Variants in PRKCH observed in about 807,000 individuals in gnomAD.
PRKCH encodes protein kinase C eta, also known as protein kinase C eta type.
Under a neutral mutation model 82.5 loss-of-function variants are expected in PRKCH, and 28 were observed. That is an observed-to-expected ratio of 0.34 (90% CI 0.25 to 0.47). The LOEUF is 0.47. Among genes scored for constraint, PRKCH ranks in the 20% least tolerant of loss-of-function variants. PRKCH has a pLI of 1.00. For synonymous variants in PRKCH, 322 were observed against 327.4 expected (o/e 0.98, Z 0.18); for missense variants, 705 against 881.8 (o/e 0.80, Z 2.54).
chr14:61,414,111 GC>G (rs1882429755), intron 2 of PRKCH, among the ~76,000 whole-genome samples: 1 of 151,848 alleles, frequency 6.6e-6, no homozygotes, highest in Admixed American at 6.6e-5. Context: ...TCAGCCCGCC[GC>G]TGTCCCCATT....
At chr14:61,286,918 A>T (rs2045320829) in intron 1 of PRKCH, among the ~76,000 whole-genome samples, 2 of 151,538 alleles carry the variant, frequency 1.3e-5, no homozygotes, top group African/African-American at 4.9e-5. Context: ...AGATTAAAAG[A>T]CAGTTGGCAG....
At position 61,280,790 on chromosome 14, in the gene PRKCH, T is replaced by G; in HGVS notation, c.-19+93122T>G. The G allele has an allele frequency of 6.4e-7, 1 of 1,558,242 alleles. No individual in the cohort carries two copies. Among genetic ancestry groups the G allele is most frequent in the South Asian group, 1.2e-5 (1 of 83,292 alleles). On this transcript the variant is annotated intron_variant, in intron 1 of 3. Coordinates refer to the PRKCH transcript ENST00000555185. The surrounding 1 kb of genome is among the most constrained non-coding windows in gnomAD (Gnocchi z 5.0). ...CGGGACACGCCGTAGCGCCGGTTGT[T>G]CTGGTAGAAGTTGGTCAGCTCGTAG...
At chr14:61,399,422 G>A (rs779522395) in intron 2 of PRKCH, among the ~76,000 whole-genome samples, 56 of 152,172 alleles carry the variant, frequency 3.7e-4, no homozygotes, top group Non-Finnish European at 6.8e-4. Context: ...TTTTATCCAT[G>A]ATTCTCAGTT....
intron 2 of PRKCH, among the ~76,000 whole-genome samples, chr14:61,434,565 C>T (rs1259403477): frequency 6.6e-6 from 1 of 152,154 alleles, no homozygotes; most frequent in Non-Finnish European, 1.5e-5. Flanking sequence ...AATAGGAATT[C>T]TGAACATTTT....
At chr14:61,543,224 G>A (rs143849158) in intron 12 of PRKCH, 9 of 152,264 alleles carry the variant, frequency 5.9e-5, no homozygotes, top group African/African-American at 1.7e-4. Flanking sequence ...TAGAACTAGC[G>A]TCAGGAGGGA....
At chr14:61,424,577 A>G (rs1269742083) in intron 2 of PRKCH, among the ~76,000 whole-genome samples, 1 of 152,182 alleles carries the variant, frequency 6.6e-6, no homozygotes, top group Admixed American at 6.5e-5. Context: ...ATGATCTGAA[A>G]TTGGAACTTA....
chr14:61,437,751 A>G (rs1034932111), intron 2 of PRKCH, among the ~76,000 whole-genome samples: 1 of 152,106 alleles, frequency 6.6e-6, no homozygotes, highest in African/African-American at 2.4e-5. Flanking sequence ...TCTAGGCCCC[A>G]ATTTCCTAGG....
At chr14:61,363,085 T>C (rs946330384) in intron 1 of PRKCH, among the ~76,000 whole-genome samples, 2 of 152,184 alleles carry the variant, frequency 1.3e-5, no homozygotes, top group Non-Finnish European at 2.9e-5. Context: ...TGAGTGTCAG[T>C]GCATTAAACA....
intron 1 of PRKCH, among the ~76,000 whole-genome samples, chr14:61,379,729 A>C (rs2046473357): frequency 6.6e-6 from 1 of 152,166 alleles, no homozygotes; most frequent in Non-Finnish European, 1.5e-5. Context: ...TGTGAAAGAA[A>C]GAAGGGGGCT....
chr14:61,381,950 G>A (rs1356947066), intron 1 of PRKCH, among the ~76,000 whole-genome samples: 1 of 152,222 alleles, frequency 6.6e-6, no homozygotes, highest in Non-Finnish European at 1.5e-5. Flanking sequence ...GCATCTGAAT[G>A]TTGGCTTGAC....
chr14:61,391,132 T>G, intron 1 of PRKCH, 93 bp from the exon 2 acceptor site: 2 of 989,656 alleles, frequency 2.0e-6, no homozygotes, highest in Non-Finnish European at 2.9e-6. Flanking sequence ...TGGCTGTGAT[T>G]TACACATTAG....
At chr14:61,465,720 G>A (rs1324552771) in intron 9 of PRKCH, among the ~76,000 whole-genome samples, 1 of 152,016 alleles carries the variant, frequency 6.6e-6, no homozygotes, top group Non-Finnish European at 1.5e-5. Context: ...ATTTATAGTA[G>A]GAAAATATTA....
At chr14:61,367,801 G>A (rs1025461785) in intron 1 of PRKCH, among the ~76,000 whole-genome samples, 1 of 147,682 alleles carries the variant, frequency 6.8e-6, no homozygotes, top group East Asian at 2.0e-4. Flanking sequence ...TGCAAGCTCC[G>A]CCTCCCAGGT....
At chr14:61,272,340 CTTTCTTTTTTTTTTTTTTTTTTT>C (rs1349887289) in intron 1 of PRKCH, among the ~76,000 whole-genome samples, 4 of 97,838 alleles carry the variant, frequency 4.1e-5, no homozygotes, top group Admixed American at 3.8e-4. Context: ...TTTCTTTTTT[CTTTCTTTTTTTTTTTTTTTTTTT>C]TTTTTTTTGA....
At chr14:61,205,962 ACAT>A (rs1363752352) in intron 1 of PRKCH, among the ~76,000 whole-genome samples, 1 of 152,120 alleles carries the variant, frequency 6.6e-6, no homozygotes, top group Non-Finnish European at 1.5e-5. Context: ...CCTCTCTAAT[ACAT>A]CATCTTCAGC....
chr14:61,527,243 G>A (rs576862243), intron 10 of PRKCH, among the ~76,000 whole-genome samples: 1 of 147,934 alleles, frequency 6.8e-6, no homozygotes, highest in South Asian at 2.2e-4. Flanking sequence ...GGGATTGGAG[G>A]AGGGGTGGAA....
At chr14:61,368,340 G>A (rs1195126777) in intron 1 of PRKCH, among the ~76,000 whole-genome samples, 1 of 151,428 alleles carries the variant, frequency 6.6e-6, no homozygotes, top group East Asian at 1.9e-4. Flanking sequence ...AAAGAGAACC[G>A]TGTCCCCAAG....
At chr14:61,188,611 G>GGTGTGT (rs1170634010) in intron 1 of PRKCH, among the ~76,000 whole-genome samples, 4 of 51,020 alleles carry the variant, frequency 7.8e-5, no homozygotes, top group Non-Finnish European at 1.2e-4. Flanking sequence ...GGGGTGGTGT[G>GGTGTGT]GTGTGTGTGT....
At chr14:61,284,551 C>T (rs1028624020) in intron 1 of PRKCH, among the ~76,000 whole-genome samples, 5 of 152,030 alleles carry the variant, frequency 3.3e-5, no homozygotes, top group African/African-American at 9.7e-5. Flanking sequence ...CCTACCAGCT[C>T]GTAAGTTCCG....
Sources: allele counts gnomAD v4.1 joint callset (sites outside exome capture counted in the v4.1 genomes callset), GRCh38; gene constraint gnomAD v4.1.1; non-coding constraint Gnocchi (gnomAD v3.1); transcripts MANE v1.5; gene names NCBI Gene and HGNC (gene_info 2026-07-23, HGNC 2026-07-21).